The following KDM3A variants were observed in gnomAD, a reference collection of about 807,000 sequenced individuals.
The protein encoded by KDM3A is lysine-specific demethylase 3A.
In KDM3A, 60 loss-of-function variants were observed where a neutral mutation model predicts 158.0. That is an observed-to-expected ratio of 0.38 (90% confidence interval 0.31 to 0.47). The LOEUF (loss-of-function observed/expected upper bound fraction) is 0.47. KDM3A is among the 20% of genes least tolerant of loss of function. The probability of loss-of-function intolerance (pLI) is 0.99; values close to 1 mark genes in which losing one functional copy is unlikely to be tolerated. For synonymous variants in KDM3A, 608 were observed against 549.3 expected (o/e 1.11, Z -1.49); for missense variants, 1,319 against 1,574.3 (o/e 0.84, Z 2.74).
At position 86,442,101 on chromosome 2, in the gene KDM3A, C is replaced by T. The variant is rs1167614419; in HGVS notation, c.54C>T (p.Leu18=). The T allele has an allele frequency of 1.9e-6, 3 of 1,614,026 alleles. No homozygotes were observed. Among genetic ancestry groups the T allele is most frequent in the Non-Finnish European group, 2.5e-6 (3 of 1,180,020 alleles). ...SWPVLVGRRF[L]SLSAADGSDG... ...CGGTATTGGTGGGGAGGAGGTTTCT[C>T]AGTCTGTCCGCAGCCGACGGCAGCG... Residue 18 remains leucine (L), a synonymous_variant, in exon 2 of 26, where the codon CTC becomes CTT. Coordinates refer to ENST00000312912, the MANE Select transcript of KDM3A (RefSeq NM_018433.6).
At chr2:86,471,361 ATGTGTATATATGTATATATATG>A (rs1425511090) in intron 11 of KDM3A, among the ~76,000 whole-genome samples, 2 of 149,948 alleles carry the variant, frequency 1.3e-5, no homozygotes, top group East Asian at 3.9e-4. Flanking sequence ...GTGTGTGTAT[ATGTGTATATATGTATATATATG>A]TGTGTATATA....
intron 16 of KDM3A, 130 bp downstream of exon 16, chr2:86,480,492 C>T: frequency 1.4e-6 from 1 of 734,264 alleles, no homozygotes. Context: ...GAACCTGCCA[C>T]AAATGAAAGT....
rs1419662724 is a variant in KDM3A, at chr2:86,444,566, C to G, written c.186+2333C>G. Among the ~76,000 whole-genome samples, 10 of 149,036 alleles carry G rather than the reference C, an allele frequency of 6.7e-5. No individual in the cohort carries two copies. The Admixed American group carries it at 6.8e-4, about 10-fold the overall frequency. ...AACTCCTGGGCTCAAAACACCAAAA[C>G]CAATTTGTGCTTGGTGAGATGGAGG... On this transcript the variant is annotated intron_variant, in intron 2 of 25. Transcript: ENST00000312912.
At chr2:86,489,019 C>A in intron 21 of KDM3A, 1 of 307,192 alleles carries the variant, frequency 3.3e-6, no homozygotes. Flanking sequence ...AACTCCTAGG[C>A]TGTGGCAACA....
rs1673603202 is a variant in KDM3A, at chr2:86,475,088, A to G, written c.1939+98A>G. 4.2e-6 allele frequency: 4 copies of G among 953,304 alleles called. No homozygotes were observed. In the South Asian group the frequency reaches 4.7e-5, roughly 11 times the overall value. The allele number at this position is 953,304 out of a possible 1,614,324, so 59.1% of individuals were successfully genotyped here. A position where few individuals can be genotyped will look rare whatever the true frequency, so the allele number is the denominator to read the frequency against. ...TAATTGCTTGGGTTTTTTTTCACCC[A>G]GAAGTTTAGATAACTTTGGTATAAT... On this transcript the variant is annotated intron_variant, in intron 12 of 25. Transcript: ENST00000312912.
In KDM3A at chr2:86,482,556, A is replaced by G; in HGVS notation, c.2784A>G (p.Gln928=). The G allele has an allele frequency of 6.2e-7, 1 of 1,614,192 alleles. No homozygotes were observed. The highest frequency in any genetic ancestry group is 8.5e-7 in the Non-Finnish European group (1 of 1,180,010). The change falls in exon 18 of 26, where the codon CAA becomes CAG. Residue 928 remains glutamine (Q), a synonymous_variant. Transcript: ENST00000312912. The stretch of plus-strand genomic sequence containing the variant: ...CTTCTGATTTATCTAAGAGGCCTCA[A>G]GGACTAACCATCAAGCCCAGCATTC... ...KTTSDLSKRP[Q]GLTIKPSILG...
intron 2 of KDM3A, among the ~76,000 whole-genome samples, chr2:86,448,263 A>G (rs540168600): frequency 6.6e-6 from 1 of 152,232 alleles, no homozygotes; most frequent in South Asian, 2.1e-4. Context: ...GATTTCATTT[A>G]TTTTTATCCT....
At chr2:86,459,714 T>TA (rs1672850120) in intron 8 of KDM3A, among the ~76,000 whole-genome samples, 4 of 152,098 alleles carry the variant, frequency 2.6e-5, no homozygotes, top group Admixed American at 2.6e-4. Flanking sequence ...CATATAGACA[T>TA]ATATGATATG....
Position 86,478,651 on chromosome 2 carries a change from A to C in KDM3A, c.2232A>C (p.Lys744Asn), listed in dbSNP as rs762340418. Residue 744 changes from lysine (K) to asparagine (N), a missense_variant, in exon 15 of 26, where the codon AAA (lysine) becomes AAC (asparagine). This residue lies in a region of KDM3A where 368 missense variants were observed against 415.8 expected (regional missense o/e 0.89). Coordinates refer to ENST00000312912, the MANE Select transcript of KDM3A (RefSeq NM_018433.6). ...VGDIVHSVRA[K>N]WGIKANCPCS... Reference sequence around the variant, plus strand: ...ACATTGTTCATTCTGTAAGAGCGAAATGGGGAATAAAGGCAAACTGCCCTT... The same window carrying C: ...ACATTGTTCATTCTGTAAGAGCGAACTGGGGAATAAAGGCAAACTGCCCTT... 3 of 1,614,060 alleles carry C rather than the reference A, an allele frequency of 1.9e-6. No individual in the cohort carries two copies. Among genetic ancestry groups the C allele is most frequent in the Admixed American group, 1.7e-5 (1 of 60,028 alleles).
chr2:86,489,428 C>A lies in KDM3A; in HGVS notation c.3424C>A (p.Gln1142Lys). The A allele has an allele frequency of 1.2e-6, 2 of 1,613,846 alleles. No individual in the cohort carries two copies. The highest frequency in any genetic ancestry group is 3.3e-4 in the Middle Eastern group (2 of 6,056). The change falls in exon 22 of 26, where the codon CAA becomes AAA. Residue 1142 changes from glutamine to lysine, a missense_variant. Around this residue, in one of 4 missense-constraint regions of KDM3A, gnomAD observed 186 missense variants for 340.9 expected, o/e 0.55. Coordinates refer to ENST00000312912, the MANE Select transcript of KDM3A (RefSeq NM_018433.6). The part of the protein sequence containing the change: ...YVGIPKGQCE[Q>K]EEEVLKTIQD... Reference sequence around the variant, plus strand: ...GGGAATTCCCAAAGGACAGTGTGAGCAAGAAGAAGGTAGGGTGCTGAGCAT... The same window carrying A: ...GGGAATTCCCAAAGGACAGTGTGAGAAAGAAGAAGGTAGGGTGCTGAGCAT...
At chr2:86,456,645 A>T (rs1033140349) in intron 6 of KDM3A, 79 bp downstream of exon 6, 18 of 1,379,162 alleles carry the variant, frequency 1.3e-5, no homozygotes, top group Non-Finnish European at 1.7e-5. Flanking sequence ...TTTTCTAGGC[A>T]CTAAATACCT....
At position 86,456,542 on chromosome 2, in the gene KDM3A, A is replaced by G; in HGVS notation, c.657A>G (p.Lys219=). The G allele has an allele frequency of 6.2e-7, 1 of 1,610,222 alleles. No individual in the cohort carries two copies. The highest frequency in any genetic ancestry group is 8.5e-7 in the Non-Finnish European group (1 of 1,178,350). Residue 219 remains lysine, a synonymous_variant, in exon 6 of 26, where the codon AAA becomes AAG. Transcript: ENST00000312912. The stretch of plus-strand genomic sequence containing the variant: ...TTATAAATGGAAACCCAGCATCAAA[A>G]ACTCTTCAAGTCAACTGTGAGGAGG... ...ATVINGNPAS[K]TLQVNCEEIP...
Position 86,442,250 on chromosome 2 carries a change from G to T in KDM3A, c.186+17G>T. ...GATCTGAAGGTACAGGCGGCTCCGG[G>T]CCTCTGCCACCGGACGTTTCGCAGT... is the stretch of plus-strand genomic sequence containing the variant. On this transcript the variant is annotated intron_variant, in intron 2 of 25. Transcript: ENST00000312912. 6.3e-7 allele frequency: 1 copy of T among 1,589,878 alleles called. No homozygotes were observed. The highest frequency in any genetic ancestry group is 2.3e-5 in the East Asian group (1 of 43,540).
chr2:86,463,214 G>A (rs1242667316), intron 8 of KDM3A, among the ~76,000 whole-genome samples: 2 of 152,182 alleles, frequency 1.3e-5, no homozygotes, highest in East Asian at 1.9e-4. Flanking sequence ...AAGGCAAGAC[G>A]ATTGAGAAAG....
At position 86,492,043 on chromosome 2, in the gene KDM3A, A is replaced by G; in HGVS notation, c.3890A>G (p.Lys1297Arg). 1 of 1,609,198 alleles carries G rather than the reference A, an allele frequency of 6.2e-7. No homozygotes were observed. The highest frequency in any genetic ancestry group is 8.5e-7 in the Non-Finnish European group (1 of 1,176,590). ...HTNHEDKLQVKNVIYHAVKDA... is the reference protein window; with the variant it reads ...HTNHEDKLQVRNVIYHAVKDA... The stretch of plus-strand genomic sequence containing the variant: ...ATTTTCTCCTACTATTTTTAGGTGA[A>G]GAATGTTATCTACCATGCAGTGAAA... The change falls in exon 26 of 26, where the codon AAG (lysine) becomes AGG (arginine). Residue 1297 changes from lysine to arginine, a missense_variant. Lys to Arg is a conservative substitution (Grantham distance 26). Transcript: ENST00000312912.
Position 86,478,157 on chromosome 2 carries a change from C to G in KDM3A, c.2093-13C>G. ...TCTGTAAAGAACAGTTACTACAAAT[C>G]AGTTATTTGCAGGTGCTGCTTACAA... On this transcript the variant is annotated splice_polypyrimidine_tract_variant and intron_variant, in intron 13 of 25. Coordinates refer to ENST00000312912, the MANE Select transcript of KDM3A (RefSeq NM_018433.6). 2 of 1,611,316 alleles carry G rather than the reference C, an allele frequency of 1.2e-6. No homozygotes were observed. The highest frequency in any genetic ancestry group is 8.5e-7 in the Non-Finnish European group (1 of 1,177,622).
At chr2:86,460,219 A>AT (rs1316561188) in intron 8 of KDM3A, among the ~76,000 whole-genome samples, 1 of 152,042 alleles carries the variant, frequency 6.6e-6, no homozygotes. Context: ...CAGAGACCTG[A>AT]TTTTTTTTGT....
At position 86,452,943 on chromosome 2, in the gene KDM3A, T is replaced by G. The variant is rs1290431906; in HGVS notation, c.453+1730T>G. On this transcript the variant is annotated intron_variant, in intron 4 of 25. Coordinates refer to ENST00000312912, the MANE Select transcript of KDM3A (RefSeq NM_018433.6). ...GTTATACCCATCTTGATATTTTTCC[T>G]GACTTAAAAGGAAGACTGACTTGCT... Among the ~76,000 whole-genome samples the G allele has an allele frequency of 2.0e-5, 3 of 152,228 alleles. No individual in the cohort carries two copies. The East Asian group carries it at 5.8e-4, about 29-fold the overall frequency.
At chr2:86,451,241 T>A in intron 4 of KDM3A, 28 bp downstream of exon 4, 2 of 1,414,812 alleles carry the variant, frequency 1.4e-6, no homozygotes, top group Non-Finnish European at 2.0e-6. Context: ...TAGTAAACAT[T>A]AGAAACAGAA....
Sources: gnomAD v4.1 joint callset for allele counts (sites outside exome capture counted in the v4.1 genomes callset) on GRCh38, gnomAD v4.1.1 for gene constraint, gnomAD v4.1.1 regional missense constraint, MANE v1.5 for transcripts, NCBI Gene and HGNC (gene_info 2026-07-23, HGNC 2026-07-21) for gene names.